PRRC2B: variants seen among roughly 807,000 people sequenced by gnomAD.
The protein encoded by PRRC2B is protein PRRC2B.
In PRRC2B, 68 loss-of-function variants were observed where a neutral mutation model predicts 242.3. The observed-to-expected ratio is 0.28, with a 90% CI of 0.23 to 0.34. The LOEUF (loss-of-function observed/expected upper bound fraction) is 0.34, where lower values mean the gene tolerates loss of function less well. Ranked by LOEUF, PRRC2B falls within the 10% of genes least tolerant of loss-of-function variation. The pLI is 1.00. For missense variants in PRRC2B, 2,835 were observed against 2,954.8 expected (o/e 0.96, Z 0.94); for synonymous variants, 1,228 against 1,173.6 (o/e 1.05, Z -0.95).
intron 13 of PRRC2B, among the ~76,000 whole-genome samples, chr9:131,470,423 A>G (rs12682910): frequency 0.97 from 147,625 of 152,236 alleles, 71,731 homozygotes; most frequent in East Asian, 1. Context: ...TTAACCTCAG[A>G]TGGTAGCTGC....
At chr9:131,466,575 T>G (rs958596637) in intron 12 of PRRC2B, among the ~76,000 whole-genome samples, 2 of 152,050 alleles carry the variant, frequency 1.3e-5, no homozygotes, top group African/African-American at 4.8e-5. Context: ...GCTGTTCAGA[T>G]GTTGGATATG....
upstream of PRRC2B, among the ~76,000 whole-genome samples, chr9:131,393,449 TCACACAAA>T (rs1836939760): frequency 6.6e-6 from 1 of 152,188 alleles, no homozygotes; most frequent in South Asian, 2.1e-4. Context: ...TGTTTTGCAA[TCACACAAA>T]CACACAACAC....
intron 8 of PRRC2B, among the ~76,000 whole-genome samples, 190 bp downstream of exon 8, chr9:131,447,396 C>G (rs2966339): frequency 0.88 from 133,902 of 152,050 alleles, 59,500 homozygotes; most frequent in South Asian, 0.97. Context: ...GTCATGATTT[C>G]AAGTGCCTGG....
chr9:131,439,101 G>T, intron 5 of PRRC2B, 40 bp downstream of exon 5: 1 of 1,572,460 alleles, frequency 6.4e-7, no homozygotes, highest in Non-Finnish European at 8.7e-7. Flanking sequence ...GGACGCTGGG[G>T]AGAGGGAGGT....
At chr9:131,460,222 G>A (rs970201553) in intron 11 of PRRC2B, among the ~76,000 whole-genome samples, 4 of 152,160 alleles carry the variant, frequency 2.6e-5, no homozygotes, top group African/African-American at 9.7e-5. Flanking sequence ...GCCCCATTCA[G>A]CTTTTACCAG....
intron 1 of PRRC2B, chr9:131,373,795 C>A (rs1441579341): frequency 6.6e-6 from 1 of 152,308 alleles, no homozygotes; most frequent in Non-Finnish European, 1.5e-5. Flanking sequence ...CGTGGTGGCT[C>A]ACGCCTGTAA....
At chr9:131,477,285 A>G (rs1181395436) in intron 16 of PRRC2B, among the ~76,000 whole-genome samples, 1 of 152,088 alleles carries the variant, frequency 6.6e-6, no homozygotes, top group Admixed American at 6.5e-5. Context: ...AGGCAGAGAA[A>G]CTCCCAGAGA....
rs1564274365 is a variant in PRRC2B at position 131,403,364 on chromosome 9, T to TTTA, written c.-52+9103_-52+9104insATT. Among the ~76,000 whole-genome samples the TTTA allele has an allele frequency of 6.8e-3, 1,038 of 152,236 alleles. 11 individuals are homozygous for TTTA. The highest frequency in any genetic ancestry group is 0.022 in the African/African-American group (917 of 41,540). ...GGTTATTTTATTTATTTATTTATTT[T>TTTA]TTTTTGAGGTGGAGTCTTGCTCTGT... On this transcript the variant is annotated intron_variant, in intron 1 of 31. Coordinates refer to ENST00000683519, the MANE Select transcript of PRRC2B (RefSeq NM_013318.4).
At chr9:131,427,846 T>C (rs1180997206) in intron 1 of PRRC2B, among the ~76,000 whole-genome samples, 2 of 152,252 alleles carry the variant, frequency 1.3e-5, no homozygotes, top group Non-Finnish European at 2.9e-5. Context: ...GTTAAACATA[T>C]GCCTTAATTA....
intron 1 of PRRC2B, among the ~76,000 whole-genome samples, chr9:131,410,160 T>A (rs1299498810): frequency 6.6e-6 from 1 of 152,120 alleles, no homozygotes; most frequent in Non-Finnish European, 1.5e-5. Flanking sequence ...AAGCGGGAGG[T>A]AGGCAGGAAC....
chr9:131,434,376 G>A (rs1046774743), intron 3 of PRRC2B, among the ~76,000 whole-genome samples: 3 of 152,244 alleles, frequency 2.0e-5, no homozygotes, highest in African/African-American at 7.2e-5. Flanking sequence ...TCCAGTGAGG[G>A]CTAGTTGTGC....
intron 28 of PRRC2B, chr9:131,490,610 C>T (rs1490190195): frequency 1.9e-6 from 1 of 519,048 alleles, no homozygotes; most frequent in Admixed American, 1.9e-5. Context: ...TCCTGTTCCC[C>T]TGTCCTTACA....
chr9:131,382,263 C>A (rs964100324), intron 1 of PRRC2B, among the ~76,000 whole-genome samples: 4 of 152,132 alleles, frequency 2.6e-5, no homozygotes, highest in Admixed American at 2.6e-4. Flanking sequence ...GTGATCCACC[C>A]TCCTCGGCTT....
intron 5 of PRRC2B, among the ~76,000 whole-genome samples, chr9:131,439,822 C>T (rs997105745): frequency 1.3e-5 from 2 of 151,970 alleles, no homozygotes; most frequent in African/African-American, 4.8e-5. Context: ...CAGCCTCGAT[C>T]TCCCGGGCTC....
intron 9 of PRRC2B, among the ~76,000 whole-genome samples, chr9:131,450,209 G>C (rs1023992432): frequency 6.6e-6 from 1 of 151,976 alleles, no homozygotes; most frequent in African/African-American, 2.4e-5. Context: ...AAGGGCCTGC[G>C]GGCATTTTGG....
chr9:131,381,848 T>C (rs1836765343), intron 1 of PRRC2B, among the ~76,000 whole-genome samples: 1 of 152,010 alleles, frequency 6.6e-6, no homozygotes, highest in African/African-American at 2.4e-5. Flanking sequence ...CAAGCGATTC[T>C]TGTGCCTCAG....
intron 10 of PRRC2B, among the ~76,000 whole-genome samples, chr9:131,456,139 T>C (rs1000987422): frequency 1.5e-4 from 22 of 150,290 alleles, no homozygotes; most frequent in Non-Finnish European, 3.0e-4. Context: ...AAAAATTAAG[T>C]GCACTGGGGA....
chr9:131,409,500 G>C (rs1363350466), intron 1 of PRRC2B, among the ~76,000 whole-genome samples: 1 of 152,194 alleles, frequency 6.6e-6, no homozygotes, highest in African/African-American at 2.4e-5. Flanking sequence ...AGTATCTTTT[G>C]AATTTGTCTT....
intron 16 of PRRC2B, among the ~76,000 whole-genome samples, chr9:131,477,311 C>A (rs1943732078): frequency 6.6e-6 from 1 of 152,240 alleles, no homozygotes; most frequent in Non-Finnish European, 1.5e-5. Context: ...CCACAGGGAA[C>A]ACCGACTCTT....
Sources: gnomAD v4.1 joint callset for allele counts (sites outside exome capture counted in the v4.1 genomes callset) on GRCh38, gnomAD v4.1.1 for gene constraint, MANE v1.5 for transcripts, NCBI Gene and HGNC (gene_info 2026-07-23, HGNC 2026-07-21) for gene names.